The following CDK6 variants were observed in gnomAD, a reference collection of about 807,000 sequenced individuals.
CDK6 encodes cyclin-dependent kinase 6.
Under a neutral mutation model 37.1 loss-of-function variants are expected in CDK6, and 6 were observed. The observed-to-expected ratio is 0.16, with a 90% CI of 0.09 to 0.32. The LOEUF is 0.32. Among genes scored for constraint, CDK6 ranks in the 10% least tolerant of loss-of-function variants. The pLI is 1.00. For synonymous variants in CDK6, 160 were observed against 161.3 expected (o/e 0.99, Z 0.06); for missense variants, 224 against 418.9 (o/e 0.53, Z 4.06).
At chr7:92,717,126 T>G (rs1164743377) in intron 4 of CDK6, among the ~76,000 whole-genome samples, 1 of 151,884 alleles carries the variant, frequency 6.6e-6, no homozygotes, top group African/African-American at 2.4e-5. Flanking sequence ...ACAAGAGGAT[T>G]GCTTGAGGAA....
rs1016527114 is a variant in CDK6 at position 92,833,769 on chromosome 7, CCCT to C, written c.-367-82_-367-80del. 27 of 407,124 alleles carry C rather than the reference CCCT, an allele frequency of 6.6e-5. No homozygotes were observed. The highest frequency in any genetic ancestry group is 4.4e-4 in the Admixed American group (10 of 22,876). 25.2% of individuals were successfully genotyped at this position (407,124 alleles called of 1,614,324 possible). ...CCTTCCTCGGGGTTCCTCCAGACTCCCCTCCTCCTCCTTTACGAAGCCTCCATC... is the reference window on the plus strand; with the variant it reads ...CCTTCCTCGGGGTTCCTCCAGACTCCCCTCCTCCTTTACGAAGCCTCCATC... On this transcript the variant is annotated intron_variant, in intron 1 of 7. Coordinates refer to ENST00000424848, the MANE Select transcript of CDK6 (RefSeq NM_001145306.2). The surrounding 1 kb of genome is among the most constrained non-coding windows in gnomAD (Gnocchi z 6.1).
At chr7:92,781,612 T>A (rs903666120) in intron 2 of CDK6, among the ~76,000 whole-genome samples, 5 of 152,214 alleles carry the variant, frequency 3.3e-5, no homozygotes, top group African/African-American at 1.2e-4. Flanking sequence ...AAGGGAAATC[T>A]GTCTTATTTG....
At chr7:92,739,636 T>C (rs1020236612) in intron 3 of CDK6, among the ~76,000 whole-genome samples, 2 of 152,258 alleles carry the variant, frequency 1.3e-5, no homozygotes, top group Non-Finnish European at 2.9e-5. Context: ...CCCATCTCCA[T>C]GGCCCTTGCC....
At chr7:92,701,942 G>GT (rs1227169947) in intron 4 of CDK6, 1 of 152,108 alleles carries the variant, frequency 6.6e-6, no homozygotes, top group African/African-American at 2.4e-5. Flanking sequence ...GCACATACTC[G>GT]TTGACTGTCT....
intron 5 of CDK6, among the ~76,000 whole-genome samples, chr7:92,638,698 A>G (rs1170470529): frequency 6.6e-6 from 1 of 152,172 alleles, no homozygotes; most frequent in Non-Finnish European, 1.5e-5. Context: ...AAGGAACATC[A>G]CTTACCTACT....
Position 92,604,936 on chromosome 7 carries a change from G to C in CDK6, c.*10204C>G, listed in dbSNP as rs1303207495. On this transcript the variant is annotated 3_prime_UTR_variant, in exon 8 of 8. Coordinates refer to ENST00000424848, the MANE Select transcript of CDK6 (RefSeq NM_001145306.2). Reference sequence around the variant, plus strand: ...AAAAAACACATTCTGCTAAAACTTGGAATTTAATGAATTTTACTCACTACA... The same window carrying C: ...AAAAAACACATTCTGCTAAAACTTGCAATTTAATGAATTTTACTCACTACA... 8 of 156,106 alleles carry C rather than the reference G, an allele frequency of 5.1e-5. No individual in the cohort carries two copies. In the East Asian group the frequency reaches 1.0e-3, roughly 20 times the overall value. 9.7% of individuals were successfully genotyped at this position (156,106 alleles called of 1,614,324 possible).
In CDK6 at chr7:92,609,431, C is replaced by CT. The variant is rs554615064; in HGVS notation, c.*5708dup. 4.5e-3 allele frequency: 920 copies of CT among 204,728 alleles called. No individual in the cohort carries two copies. Among genetic ancestry groups the CT allele is most frequent in the East Asian group, 0.01 (133 of 13,132 alleles). 12.7% of individuals were successfully genotyped at this position (204,728 alleles called of 1,614,324 possible). A position where few individuals can be genotyped will look rare whatever the true frequency, so the allele number is the denominator to read the frequency against. ...AGTTGTTATGCTCATATACTTCAGA[C>CT]TTTTTTTTTTTAATTAGAGCTTCTT... On this transcript the variant is annotated 3_prime_UTR_variant, in exon 8 of 8. Coordinates refer to ENST00000424848, the MANE Select transcript of CDK6 (RefSeq NM_001145306.2).
At chr7:92,615,316 TATAC>T (rs1248816781) in intron 7 of CDK6, 30 bp from the exon 8 acceptor site, 5 of 1,527,278 alleles carry the variant, frequency 3.3e-6, no homozygotes, top group Non-Finnish European at 3.6e-6. Context: ...AATTGGTTGA[TATAC>T]AATACATCAA....
intron 3 of CDK6, among the ~76,000 whole-genome samples, chr7:92,766,214 C>A (rs1442107773): frequency 6.6e-6 from 1 of 152,110 alleles, no homozygotes; most frequent in Non-Finnish European, 1.5e-5. Flanking sequence ...CATAAAGGGG[C>A]AGGAGCAGAA....
At chr7:92,619,155 A>G (rs1190323999) in intron 6 of CDK6, among the ~76,000 whole-genome samples, 1 of 152,240 alleles carries the variant, frequency 6.6e-6, no homozygotes, top group Non-Finnish European at 1.5e-5. Flanking sequence ...CAATCAATAC[A>G]CTGCCTACTA....
Position 92,608,787 on chromosome 7 carries a change from G to A in CDK6, c.*6353C>T, listed in dbSNP as rs76908789. 2 of 231,782 alleles carry A rather than the reference G, an allele frequency of 8.6e-6. No individual in the cohort carries two copies. The highest frequency in any genetic ancestry group is 5.6e-5 in the Admixed American group (1 of 17,760). The allele number at this position is 231,782 out of a possible 1,614,324, so 14.4% of individuals were successfully genotyped here. A position where few individuals can be genotyped will look rare whatever the true frequency, so the allele number is the denominator to read the frequency against. ...ACTCTGACCTCGGAAAGCAGCCCGC[G>A]GGGCCGCACATAATTTCAGGCACCG... On this transcript the variant is annotated 3_prime_UTR_variant, in exon 8 of 8. Coordinates refer to ENST00000424848, the MANE Select transcript of CDK6 (RefSeq NM_001145306.2).
At chr7:92,743,411 T>G (rs978820866) in intron 3 of CDK6, among the ~76,000 whole-genome samples, 1 of 148,498 alleles carries the variant, frequency 6.7e-6, no homozygotes, top group East Asian at 2.0e-4. Flanking sequence ...TAAAAATAAA[T>G]AAAAATAATA....
At chr7:92,660,966 C>A (rs1796821221) in intron 5 of CDK6, among the ~76,000 whole-genome samples, 1 of 152,116 alleles carries the variant, frequency 6.6e-6, no homozygotes, top group Non-Finnish European at 1.5e-5. Flanking sequence ...AGATAGAATT[C>A]TTTGTAAACA....
chr7:92,715,539 T>C (rs955794013), intron 4 of CDK6, among the ~76,000 whole-genome samples: 5 of 152,198 alleles, frequency 3.3e-5, no homozygotes, highest in Non-Finnish European at 7.3e-5. Context: ...TGTAGATAGA[T>C]GCTGGGTGCA....
rs969450972 is a variant in CDK6, at chr7:92,833,246, C to T, written c.78G>A (p.Lys26=). The change falls in exon 2 of 8, where the codon AAG becomes AAA. Residue 26 remains lysine, a synonymous_variant. Coordinates refer to ENST00000424848, the MANE Select transcript of CDK6 (RefSeq NM_001145306.2). The surrounding 1 kb of genome is among the most constrained non-coding windows in gnomAD (Gnocchi z 6.1). ...VAEIGEGAYG[K]VFKARDLKNG... is the part of the protein sequence containing the mutation. The stretch of plus-strand genomic sequence containing the variant: ...TCTTCAAGTCGCGGGCCTTGAACAC[C>T]TTCCCATAGGCGCCCTCCCCGATCT... 3 of 1,610,894 alleles carry T rather than the reference C, an allele frequency of 1.9e-6. No homozygotes were observed. Among genetic ancestry groups the T allele is most frequent in the South Asian group, 2.2e-5 (2 of 90,520 alleles).
At chr7:92,669,950 G>A (rs940606230) in intron 5 of CDK6, among the ~76,000 whole-genome samples, 2 of 152,192 alleles carry the variant, frequency 1.3e-5, no homozygotes, top group African/African-American at 4.8e-5. Context: ...TTTCCAGCAA[G>A]GTGCCTGGTG....
At chr7:92,756,746 G>T (rs1370620851) in intron 3 of CDK6, among the ~76,000 whole-genome samples, 1 of 152,100 alleles carries the variant, frequency 6.6e-6, no homozygotes, top group Non-Finnish European at 1.5e-5. Flanking sequence ...CCTGTTAAAG[G>T]GACAGGCAAT....
rs1800861290 is a variant in CDK6, at chr7:92,810,816, T to TA, written c.233+22274dup. ...GGCCGGGTGCAGTGGCTCACGCCTG[T>TA]AATCCCAGCACTTTGGGAGGCTGAG... On this transcript the variant is annotated intron_variant, in intron 2 of 7. Transcript: ENST00000424848. Among the ~76,000 whole-genome samples the TA allele has an allele frequency of 2.6e-5, 4 of 152,180 alleles. No homozygotes were observed. In the South Asian group the frequency reaches 8.3e-4, roughly 32 times the overall value.
intron 4 of CDK6, among the ~76,000 whole-genome samples, chr7:92,679,322 T>C (rs929958568): frequency 1.3e-5 from 2 of 152,184 alleles, no homozygotes; most frequent in Non-Finnish European, 2.9e-5. Flanking sequence ...CTAAATGATA[T>C]GGCAATGGCA....
Sources: allele counts gnomAD v4.1 joint callset (sites outside exome capture counted in the v4.1 genomes callset), GRCh38; gene constraint gnomAD v4.1.1; non-coding constraint Gnocchi (gnomAD v3.1); transcripts MANE v1.5; gene names NCBI Gene and HGNC (gene_info 2026-07-23, HGNC 2026-07-21).